DMD: variants seen among roughly 807,000 people sequenced by gnomAD.
DMD encodes the protein mutant dystrophin.
A neutral mutation model predicts 330.1 loss-of-function variants in DMD; 63 were observed. That is an observed-to-expected ratio of 0.19 (90% confidence interval 0.16 to 0.24). DMD has a LOEUF of 0.24. Ranked by LOEUF, DMD falls within the 10% of genes least tolerant of loss-of-function variation. The pLI is 1.00. For missense variants in DMD, 3,344 were observed against 2,684.1 expected (o/e 1.25, Z -5.43); for synonymous variants, 1,223 against 959.8 (o/e 1.27, Z -5.07).
intron 74 of DMD, among the ~76,000 whole-genome samples, chrX:31,155,199 T>C (rs2037963369): frequency 1.8e-5 from 2 of 112,561 alleles, no homozygotes; most frequent in South Asian, 3.7e-4. Flanking sequence ...CTATTATGTA[T>C]GATAAAGAAC....
chrX:32,535,591 T>A (rs1208388443), intron 17 of DMD, among the ~76,000 whole-genome samples: 1 of 111,773 alleles, frequency 8.9e-6, no homozygotes, highest in African/African-American at 3.3e-5. Flanking sequence ...AATATCACTT[T>A]TTCTGTATTG....
At chrX:32,441,442 G>T in intron 27 of DMD, 128 bp from the exon 28 acceptor site, 1 of 647,999 alleles carries the variant, frequency 1.5e-6, no homozygotes, top group Non-Finnish European at 2.3e-6. Flanking sequence ...TTTGTAGCAG[G>T]TAATTCAAAA....
intron 62 of DMD, among the ~76,000 whole-genome samples, chrX:31,299,799 G>A (rs1270039935): frequency 4.3e-5 from 4 of 92,602 alleles, no homozygotes; most frequent in Admixed American, 3.6e-4. Flanking sequence ...AAAAAAAAAA[G>A]GATGGGGGGG....
chrX:32,076,387 T>C (rs1205079988), intron 44 of DMD, among the ~76,000 whole-genome samples: 1 of 105,637 alleles, frequency 9.5e-6, no homozygotes. Context: ...TTCTTTCTTT[T>C]TTTTTTTTTT....
At chrX:33,229,370 CTTAAG>C (rs1418073409) in intron 1 of DMD, among the ~76,000 whole-genome samples, 1 of 110,756 alleles carries the variant, frequency 9.0e-6, no homozygotes, top group Non-Finnish European at 1.9e-5. Flanking sequence ...TTGCATAAGA[CTTAAG>C]TTGAGGCTCT....
intron 2 of DMD, among the ~76,000 whole-genome samples, chrX:32,870,805 C>T (rs1336892975): frequency 9.1e-6 from 1 of 109,646 alleles, no homozygotes; most frequent in Non-Finnish European, 1.9e-5. Context: ...AACACAAAAC[C>T]CACTAACTAT....
At chrX:32,430,349 C>T (rs1245507635) in intron 29 of DMD, among the ~76,000 whole-genome samples, 1 of 111,403 alleles carries the variant, frequency 9.0e-6, no homozygotes, top group Non-Finnish European at 1.9e-5. Flanking sequence ...GTCACTGGCT[C>T]TTGGAAACTT....
Position 31,169,618 on chromosome X carries a change from A to G in DMD, c.10395-17T>C. The G allele has an allele frequency of 8.4e-7, 1 of 1,189,493 alleles. No homozygotes were observed. The highest frequency in any genetic ancestry group is 3.0e-5 in the East Asian group (1 of 32,953). ...TCATCATCTCTGGAAAATAAAATCA[A>G]AGGTTTTGGTTTTTTCCCCCCCTTA... is the stretch of plus-strand genomic sequence containing the variant. On this transcript the variant is annotated splice_polypyrimidine_tract_variant and intron_variant, in intron 73 of 78. Coordinates refer to ENST00000357033, the MANE Select transcript of DMD (RefSeq NM_004006.3).
intron 61 of DMD, among the ~76,000 whole-genome samples, chrX:31,342,560 C>G (rs1192258753): frequency 1.8e-5 from 2 of 111,580 alleles, no homozygotes; most frequent in Non-Finnish European, 3.8e-5. Flanking sequence ...GGACAGTTAT[C>G]AAAACCTAAT....
chrX:32,147,941 G>A (rs1223787298), intron 44 of DMD, among the ~76,000 whole-genome samples: 3 of 101,792 alleles, frequency 2.9e-5, no homozygotes, highest in Non-Finnish European at 4.0e-5. Context: ...GCAGTGGCGC[G>A]ATCTCGGCTC....
chrX:33,138,417 T>C (rs2047626496), intron 1 of DMD, among the ~76,000 whole-genome samples: 1 of 111,963 alleles, frequency 8.9e-6, no homozygotes, highest in Non-Finnish European at 1.9e-5. Flanking sequence ...AGTAACAGCA[T>C]TCTCCTATCC....
chrX:33,064,643 C>G (rs1333405291), intron 1 of DMD, among the ~76,000 whole-genome samples: 1 of 111,762 alleles, frequency 8.9e-6, no homozygotes, highest in African/African-American at 3.3e-5. Context: ...AATCCCAACA[C>G]TTTGGGAGGC....
At chrX:31,765,310 C>T (rs2089917778) in intron 51 of DMD, among the ~76,000 whole-genome samples, 1 of 111,479 alleles carries the variant, frequency 9.0e-6, no homozygotes, top group South Asian at 3.7e-4. Flanking sequence ...ATTGAAACCA[C>T]CATAACACTT....
chrX:33,069,171 G>C (rs1021533510), intron 1 of DMD, among the ~76,000 whole-genome samples: 8 of 111,398 alleles, frequency 7.2e-5, no homozygotes, highest in African/African-American at 2.6e-4. Context: ...TTTTGCAGTT[G>C]AGTAGTTGCT....
chrX:32,933,316 G>A (rs1472432792), intron 2 of DMD, among the ~76,000 whole-genome samples: 4 of 111,186 alleles, frequency 3.6e-5, no homozygotes, highest in Non-Finnish European at 7.5e-5. Flanking sequence ...AAGTCACAAA[G>A]GTTTATAATC....
At position 32,337,893 on chromosome X, in the gene DMD, A is replaced by G. The variant is rs72626035; in HGVS notation, c.5922+4207T>C. ...TTAATAAATGTTCTTATTTACAGAG[A>G]AAACAATTTTATACAGCTTTACATC... On this transcript the variant is annotated intron_variant, in intron 41 of 78. Coordinates refer to ENST00000357033, the MANE Select transcript of DMD (RefSeq NM_004006.3). 6.1e-4 allele frequency among the ~76,000 whole-genome samples: 68 copies of G among 111,399 alleles called. 1 individual carries two copies. The East Asian group carries it at 0.018, about 30-fold the overall frequency.
chrX:32,981,623 T>G (rs961713062), intron 2 of DMD, among the ~76,000 whole-genome samples: 12 of 111,639 alleles, frequency 1.1e-4, no homozygotes, highest in Admixed American at 1.1e-3. Flanking sequence ...TGAAGACATT[T>G]TATAAATACA....
intron 44 of DMD, among the ~76,000 whole-genome samples, chrX:32,136,183 G>C (rs1433897491): frequency 8.9e-6 from 1 of 112,361 alleles, no homozygotes; most frequent in Non-Finnish European, 1.9e-5. Flanking sequence ...TTCTAAGTAA[G>C]CCAACCCTTA....
At chrX:33,235,492 G>T (rs1218242858) in intron 1 of DMD, among the ~76,000 whole-genome samples, 1 of 111,918 alleles carries the variant, frequency 8.9e-6, no homozygotes, top group African/African-American at 3.2e-5. Flanking sequence ...TAGCGTTTAG[G>T]GGTATCCTGT....
Sources: allele counts gnomAD v4.1 joint callset (sites outside exome capture counted in the v4.1 genomes callset), GRCh38; gene constraint gnomAD v4.1.1; transcripts MANE v1.5; gene names NCBI Gene and HGNC (gene_info 2026-07-23, HGNC 2026-07-21).